ATP10A: variants seen among roughly 807,000 people sequenced by gnomAD.
ATP10A encodes phospholipid-transporting ATPase VA.
A neutral mutation model predicts 147.8 loss-of-function variants in ATP10A; 111 were observed. The observed-to-expected ratio is 0.75, with a 90% CI of 0.64 to 0.88. ATP10A has a LOEUF of 0.88. Among genes scored for constraint, ATP10A ranks in the 40% least tolerant of loss-of-function variants. The pLI is 0.00. For synonymous variants in ATP10A, 875 were observed against 841.6 expected (o/e 1.04, Z -0.69); for missense variants, 1,927 against 1,959.0 (o/e 0.98, Z 0.31).
chr15:25,750,425 C>T (rs1329378192), intron 2 of ATP10A, among the ~76,000 whole-genome samples: 2 of 151,978 alleles, frequency 1.3e-5, no homozygotes, highest in Non-Finnish European at 1.5e-5. Flanking sequence ...TCCTCACCCA[C>T]AGATCCATAC....
chr15:25,805,695 AGG>A (rs1350109489), intron 1 of ATP10A, among the ~76,000 whole-genome samples: 1 of 152,204 alleles, frequency 6.6e-6, no homozygotes, highest in Non-Finnish European at 1.5e-5. Flanking sequence ...TGAAACACAA[AGG>A]CTGTGCTATT....
chr15:25,792,482 C>T (rs1041935392), intron 1 of ATP10A, among the ~76,000 whole-genome samples: 2 of 152,232 alleles, frequency 1.3e-5, no homozygotes, highest in African/African-American at 4.8e-5. Context: ...CCATGCAGGT[C>T]ATTTGTCATA....
intron 1 of ATP10A, among the ~76,000 whole-genome samples, chr15:25,812,486 A>C (rs1596938397): frequency 6.6e-6 from 1 of 152,132 alleles, no homozygotes; most frequent in South Asian, 2.1e-4. Flanking sequence ...CCCTAAATAC[A>C]CCCACAAACC....
At chr15:25,739,555 A>T (rs1411465154) in intron 2 of ATP10A, among the ~76,000 whole-genome samples, 2 of 152,180 alleles carry the variant, frequency 1.3e-5, no homozygotes, top group African/African-American at 4.8e-5. Context: ...GTTCCAATGA[A>T]TCCCTGTGCT....
intron 2 of ATP10A, among the ~76,000 whole-genome samples, chr15:25,750,401 A>T (rs990201967): frequency 1.3e-5 from 2 of 152,116 alleles, no homozygotes; most frequent in African/African-American, 4.8e-5. Flanking sequence ...CATATACAAA[A>T]GCTGAAAAAA....
At chr15:25,820,837 G>A (rs888018570) in intron 1 of ATP10A, among the ~76,000 whole-genome samples, 2 of 151,912 alleles carry the variant, frequency 1.3e-5, no homozygotes, top group Admixed American at 6.6e-5. Flanking sequence ...ATAAATGTAG[G>A]CAAATATTTG....
intron 1 of ATP10A, among the ~76,000 whole-genome samples, chr15:25,783,555 C>T (rs11632263): frequency 0.4 from 60,395 of 151,956 alleles, 12,837 homozygotes; most frequent in Non-Finnish European, 0.48. Context: ...GTGTCCCCTG[C>T]CATTTTAAGC....
At chr15:25,807,965 G>GA (rs953260471) in intron 1 of ATP10A, among the ~76,000 whole-genome samples, 103 of 146,866 alleles carry the variant, frequency 7.0e-4, no homozygotes, top group South Asian at 1.9e-3. Flanking sequence ...ATACCAGTAG[G>GA]AAAAAAAAAA....
chr15:25,736,102 C>G lies in ATP10A; in HGVS notation c.694G>C (p.Glu232Gln), dbSNP rs775218355. ...AGGTCGTTGTTTGGCTTCTCGCATT[C>G]GATCACGCTGGTGAACGTCAAAGGA... ...FNPLTFTSVIECEKPNNDLSR... is the reference protein window; with the variant it reads ...FNPLTFTSVIQCEKPNNDLSR... The change falls in exon 3 of 21, where the codon GAA becomes CAA. Residue 232 changes from glutamate to glutamine, a missense_variant. By Grantham distance (29) the Glu-to-Gln change is conservative. Transcript: ENST00000555815. The G allele has an allele frequency of 6.2e-7, 1 of 1,613,464 alleles. No homozygotes were observed. The highest frequency in any genetic ancestry group is 8.5e-7 in the Non-Finnish European group (1 of 1,180,038).
intron 1 of ATP10A, among the ~76,000 whole-genome samples, chr15:25,819,154 G>C (rs1247508962): frequency 1.3e-5 from 2 of 152,176 alleles, no homozygotes; most frequent in Non-Finnish European, 2.9e-5. Flanking sequence ...TGCAGAATAA[G>C]AGAAGACATT....
intron 13 of ATP10A, 53 bp from the exon 14 acceptor site, chr15:25,695,199 A>G: frequency 6.6e-7 from 1 of 1,513,400 alleles, no homozygotes; most frequent in Non-Finnish European, 9.0e-7. Flanking sequence ...TGCCACAAAC[A>G]TCCCCGCCCT....
In ATP10A at chr15:25,691,734, G is replaced by C. The variant is rs767771622; in HGVS notation, c.3146C>G (p.Ser1049Cys). The C allele has an allele frequency of 1.9e-6, 3 of 1,614,074 alleles. No homozygotes were observed. Among genetic ancestry groups the C allele is most frequent in the Non-Finnish European group, 2.5e-6 (3 of 1,180,044 alleles). ...CTTTACCTGCATACCCTCCTGGCCGGAGATTCCCACACCCACATCTGCCAC... is the reference window on the plus strand; with the variant it reads ...CTTTACCTGCATACCCTCCTGGCCGCAGATTCCCACACCCACATCTGCCAC... Reference protein sequence around the residue: ...IQVADVGVGISGQEGMQAVMA... With the variant: ...IQVADVGVGICGQEGMQAVMA... Residue 1049 changes from serine (S) to cysteine (C), a missense_variant, in exon 15 of 21, where the codon TCC becomes TGC. Ser to Cys is a moderately radical substitution (Grantham distance 112, BLOSUM62 -1). Coordinates refer to ENST00000555815, the MANE Select transcript of ATP10A (RefSeq NM_024490.4).
At chr15:25,675,881 G>T (rs1899126962), downstream of ATP10A, among the ~76,000 whole-genome samples, 1 of 152,082 alleles carries the variant, frequency 6.6e-6, no homozygotes, top group Non-Finnish European at 1.5e-5. Flanking sequence ...GGGAGGTAGA[G>T]GCTGCAGTGA....
At position 25,702,939 on chromosome 15, in the gene ATP10A, A is replaced by G. The variant is rs76263829; in HGVS notation, c.2576-839T>C. On this transcript the variant is annotated intron_variant, in intron 12 of 20. Transcript: ENST00000555815. Reference sequence around the variant, plus strand: ...TGGACTGAGCGTTTGTGTCCCCCAGATCCATAGGAGGGAGCACTAATCCCC... The same window carrying G: ...TGGACTGAGCGTTTGTGTCCCCCAGGTCCATAGGAGGGAGCACTAATCCCC... Among the ~76,000 whole-genome samples, 809 of 152,114 alleles carry G rather than the reference A, an allele frequency of 5.3e-3. 11 individuals carry two copies. Among genetic ancestry groups the G allele is most frequent in the African/African-American group, 0.019 (770 of 41,468 alleles).
intron 9 of ATP10A, among the ~76,000 whole-genome samples, chr15:25,715,207 G>A (rs1596741010): frequency 6.6e-6 from 1 of 152,346 alleles, no homozygotes; most frequent in East Asian, 1.9e-4. Flanking sequence ...GGTGCATAGA[G>A]CCAGATTTTG....
At chr15:25,768,197 T>C (rs1481613010) in intron 2 of ATP10A, among the ~76,000 whole-genome samples, 1 of 152,088 alleles carries the variant, frequency 6.6e-6, no homozygotes, top group Non-Finnish European at 1.5e-5. Context: ...CGCGAGCAGC[T>C]GCGATGGAGG....
intron 19 of ATP10A, among the ~76,000 whole-genome samples, chr15:25,680,605 C>T (rs7179488): frequency 0.037 from 5,555 of 152,072 alleles, 353 homozygotes; most frequent in African/African-American, 0.13. Flanking sequence ...TGAGCATGGC[C>T]GGGGAAGTGC....
intron 1 of ATP10A, among the ~76,000 whole-genome samples, chr15:25,836,614 G>A (rs1186622393): frequency 1.3e-5 from 2 of 152,222 alleles, no homozygotes; most frequent in Non-Finnish European, 2.9e-5. Context: ...AGCGCGGCCA[G>A]AGCTGAGCAG....
chr15:25,692,396 A>G (rs548068113), intron 14 of ATP10A, among the ~76,000 whole-genome samples: 1 of 152,336 alleles, frequency 6.6e-6, no homozygotes, highest in East Asian at 1.9e-4. Flanking sequence ...ACCTTCGGGG[A>G]AAGGACAGCA....
Sources: gnomAD v4.1 joint callset for allele counts (sites outside exome capture counted in the v4.1 genomes callset) on GRCh38, gnomAD v4.1.1 for gene constraint, MANE v1.5 for transcripts, NCBI Gene and HGNC (gene_info 2026-07-23, HGNC 2026-07-21) for gene names.